Variants in MYT1L observed in about 807,000 individuals in gnomAD.
MYT1L encodes myelin transcription factor 1-like protein.
In MYT1L, 12 loss-of-function variants were observed where a neutral mutation model predicts 126.7. That is an observed-to-expected ratio of 0.09 (90% CI 0.06 to 0.15). MYT1L has a LOEUF of 0.15. Ranked by LOEUF, MYT1L falls within the 10% of genes least tolerant of loss-of-function variation. The pLI, the probability that MYT1L is intolerant of heterozygous loss-of-function variation, is 1.00. For synonymous variants in MYT1L, 541 were observed against 604.2 expected (o/e 0.90, Z 1.53); for missense variants, 979 against 1,585.2 (o/e 0.62, Z 6.49).
intron 9 of MYT1L, among the ~76,000 whole-genome samples, chr2:1,930,553 C>T (rs957667148): frequency 1.1e-4 from 16 of 152,356 alleles, no homozygotes; most frequent in African/African-American, 3.8e-4. Context: ...GGCACACACG[C>T]CTTGCCCAGG....
At chr2:2,217,050 C>A (rs182873905) in intron 2 of MYT1L, among the ~76,000 whole-genome samples, 104 of 152,228 alleles carry the variant, frequency 6.8e-4, no homozygotes, top group Non-Finnish European at 2.4e-4. Flanking sequence ...TTTCCACAAA[C>A]AAAACTTCAG....
intron 21 of MYT1L, among the ~76,000 whole-genome samples, chr2:1,836,237 G>C (rs1375533400): frequency 6.6e-6 from 1 of 151,342 alleles, no homozygotes; most frequent in Non-Finnish European, 1.5e-5. Context: ...CAGTATTCTT[G>C]CACCCCAATA....
chr2:1,903,249 G>A lies in MYT1L; in HGVS notation c.1863C>T (p.Tyr621=), dbSNP rs202076108. Residue 621 remains tyrosine, a synonymous_variant, in exon 14 of 25, where the codon TAC becomes TAT. Transcript: ENST00000647738. ...GCGTAGTTGTGGGGACATTGTTTCTGTAGCCATACTGAGGAATCTCCAGCT... is the reference window on the plus strand; with the variant it reads ...GCGTAGTTGTGGGGACATTGTTTCTATAGCCATACTGAGGAATCTCCAGCT... ...VKQLEIPQYG[Y]RNNVPTTTPR... is the part of the protein sequence containing the mutation. 3 of 1,613,112 alleles carry A rather than the reference G, an allele frequency of 1.9e-6. No individual in the cohort carries two copies. Among genetic ancestry groups the A allele is most frequent in the African/African-American group, 1.3e-5 (1 of 74,914 alleles).
intron 3 of MYT1L, among the ~76,000 whole-genome samples, chr2:2,080,439 A>G (rs1416332009): frequency 6.6e-6 from 1 of 152,238 alleles, no homozygotes; most frequent in East Asian, 1.9e-4. Flanking sequence ...ATTACTTGGG[A>G]CTTGTATGCA....
chr2:1,968,306 AG>A (rs1018967529), intron 8 of MYT1L, among the ~76,000 whole-genome samples: 55 of 152,268 alleles, frequency 3.6e-4, no homozygotes, highest in African/African-American at 1.3e-3. Flanking sequence ...CACTTCATTC[AG>A]AAGCGTGAGA....
chr2:2,067,971 T>C (rs2074080655), intron 3 of MYT1L, among the ~76,000 whole-genome samples: 1 of 152,086 alleles, frequency 6.6e-6, no homozygotes. Flanking sequence ...TGAGATACTG[T>C]CCCCTGCCGT....
chr2:1,845,009 C>A (rs767515699), intron 19 of MYT1L, among the ~76,000 whole-genome samples: 93 of 149,110 alleles, frequency 6.2e-4, no homozygotes, highest in Admixed American at 2.7e-3. Flanking sequence ...CAGAGTCTCT[C>A]GCTCTGCTGC....
chr2:2,109,898 T>C (rs1439057072), intron 3 of MYT1L, among the ~76,000 whole-genome samples: 1 of 119,738 alleles, frequency 8.4e-6, no homozygotes, highest in Non-Finnish European at 1.9e-5. Context: ...TATATATATA[T>C]ATATATATAT....
intron 21 of MYT1L, among the ~76,000 whole-genome samples, chr2:1,823,259 G>A (rs1049553274): frequency 6.6e-6 from 1 of 152,188 alleles, no homozygotes. Flanking sequence ...TAGTCGTGGT[G>A]GTTGTGGTAG....
chr2:1,878,801 T>C (rs2047220804), intron 18 of MYT1L, among the ~76,000 whole-genome samples: 1 of 152,328 alleles, frequency 6.6e-6, no homozygotes, highest in East Asian at 1.9e-4. Flanking sequence ...AAGTGTGGGA[T>C]GTCCAACCTC....
At chr2:2,122,960 A>G (rs563663852) in intron 3 of MYT1L, among the ~76,000 whole-genome samples, 2 of 151,730 alleles carry the variant, frequency 1.3e-5, no homozygotes, top group Admixed American at 1.3e-4. Flanking sequence ...CAGGGACAGT[A>G]GGAGAGAGAG....
intron 18 of MYT1L, among the ~76,000 whole-genome samples, chr2:1,870,996 G>A (rs1042052463): frequency 2.0e-5 from 3 of 152,132 alleles, no homozygotes; most frequent in Non-Finnish European, 4.4e-5. Context: ...GCTGGTGCAC[G>A]GGATCCACGA....
intron 4 of MYT1L, among the ~76,000 whole-genome samples, chr2:2,010,320 T>C (rs926308118): frequency 6.6e-6 from 1 of 152,132 alleles, no homozygotes; most frequent in African/African-American, 2.4e-5. Flanking sequence ...GGAAGCCAAA[T>C]GTTTTCCCCC....
chr2:2,279,841 A>G (rs1047860341), intron 2 of MYT1L, among the ~76,000 whole-genome samples: 2 of 152,318 alleles, frequency 1.3e-5, no homozygotes, highest in African/African-American at 4.8e-5. Context: ...TCTTCTAATC[A>G]AAGAATGTAA....
chr2:2,312,153 G>T (rs2095983032), intron 1 of MYT1L, among the ~76,000 whole-genome samples: 1 of 152,144 alleles, frequency 6.6e-6, no homozygotes, highest in South Asian at 2.1e-4. Context: ...TGCTCCTCAT[G>T]CTCCCTTGGC....
At position 2,131,905 on chromosome 2, in the gene MYT1L, CTT is replaced by C. The variant is rs58810405; in HGVS notation, c.-304+40965_-304+40966del. Reference sequence around the variant, plus strand: ...AAGGGGACATGCAAGAGAGTTCATCCTTTTTTTTTTTTTTTTTTTTTTGAGAT... The same window carrying C: ...AAGGGGACATGCAAGAGAGTTCATCCTTTTTTTTTTTTTTTTTTTTGAGAT... On this transcript the variant is annotated intron_variant, in intron 3 of 24. Transcript: ENST00000647738. Among the ~76,000 whole-genome samples the C allele has an allele frequency of 4.2e-3, 472 of 111,060 alleles. 1 individual carries two copies. Among genetic ancestry groups the C allele is most frequent in the African/African-American group, 0.016 (437 of 27,418 alleles). The allele number at this position is 111,060 out of a possible 152,430, so 72.9% of individuals were successfully genotyped here.
chr2:2,329,589 T>C (rs2096272649), intron 1 of MYT1L, among the ~76,000 whole-genome samples: 1 of 152,138 alleles, frequency 6.6e-6, no homozygotes, highest in Non-Finnish European at 1.5e-5. Context: ...TCTCTGAAAA[T>C]CAAGCTAAAA....
chr2:1,820,211 A>C (rs879923289), intron 21 of MYT1L, among the ~76,000 whole-genome samples: 13 of 152,214 alleles, frequency 8.5e-5, no homozygotes, highest in Non-Finnish European at 1.8e-4. Context: ...AGTTTGGTTG[A>C]GTATAGAATA....
At chr2:2,031,051 G>A (rs2066182651) in intron 4 of MYT1L, among the ~76,000 whole-genome samples, 1 of 152,174 alleles carries the variant, frequency 6.6e-6, no homozygotes, top group Non-Finnish European at 1.5e-5. Context: ...TTCATCACCA[G>A]CTCCAAAAAC....
Sources: allele counts gnomAD v4.1 joint callset (sites outside exome capture counted in the v4.1 genomes callset), GRCh38; gene constraint gnomAD v4.1.1; transcripts MANE v1.5; gene names NCBI Gene and HGNC (gene_info 2026-07-23, HGNC 2026-07-21).